The following CHODL variants were observed in gnomAD, a reference collection of about 807,000 sequenced individuals.
The protein encoded by CHODL is chondrolectin, also known as transmembrane protein MT75.
In CHODL, 29 loss-of-function variants were observed where a neutral mutation model predicts 34.5. The observed-to-expected ratio is 0.84, with a 90% CI of 0.63 to 1.15. The LOEUF is 1.15. Ranked by LOEUF, CHODL falls within the 50% of genes most tolerant of loss-of-function variation. The probability of loss-of-function intolerance (pLI) is 0.00; values close to 1 mark genes in which losing one functional copy is unlikely to be tolerated. For missense variants in CHODL, 332 were observed against 332.5 expected (o/e 1.00, Z 0.01); for synonymous variants, 125 against 116.1 (o/e 1.08, Z -0.49).
intron 1 of CHODL, among the ~76,000 whole-genome samples, chr21:17,928,454 G>C (rs1199470748): frequency 6.6e-6 from 1 of 152,184 alleles, no homozygotes; most frequent in Admixed American, 6.5e-5. Flanking sequence ...CTAAAGTACA[G>C]GTAGAGTTTG....
intron 2 of CHODL, among the ~76,000 whole-genome samples, chr21:18,223,127 G>A (rs2073899864): frequency 6.6e-6 from 1 of 152,080 alleles, no homozygotes; most frequent in East Asian, 1.9e-4. Flanking sequence ...AACATAAGTG[G>A]GAAAAACTGA....
chr21:18,131,129 CAGAGAGAGAGAGACAGAGAGAGCAGAG>C (rs887685857), intron 2 of CHODL, among the ~76,000 whole-genome samples: 6 of 151,074 alleles, frequency 4.0e-5, no homozygotes, highest in African/African-American at 1.5e-4. Flanking sequence ...AAAGAGAGAG[CAGAGAGAGAGAGACAGAGAGAGCAGAG>C]AGAGAGAGAG....
At chr21:18,093,015 C>T (rs943968615) in intron 2 of CHODL, among the ~76,000 whole-genome samples, 6 of 152,072 alleles carry the variant, frequency 3.9e-5, no homozygotes, top group Admixed American at 1.3e-4. Context: ...AGATTGATCC[C>T]AAAGAAGACT....
At chr21:18,185,408 T>C (rs1422821595) in intron 2 of CHODL, among the ~76,000 whole-genome samples, 1 of 152,228 alleles carries the variant, frequency 6.6e-6, no homozygotes, top group African/African-American at 2.4e-5. Flanking sequence ...ACATTTTCTT[T>C]ATCCAGCCTA....
chr21:18,092,970 A>T (rs983090399), intron 2 of CHODL, among the ~76,000 whole-genome samples: 2 of 152,210 alleles, frequency 1.3e-5, no homozygotes, highest in Non-Finnish European at 2.9e-5. Context: ...AAAGATATCA[A>T]CATTCAAGTA....
In CHODL at chr21:18,244,959, A is replaced by G; in HGVS notation, c.-265A>G. The G allele has an allele frequency of 2.3e-6, 1 of 431,838 alleles. No individual in the cohort carries two copies. 26.8% of individuals were successfully genotyped at this position (431,838 alleles called of 1,614,324 possible). On this transcript the variant is annotated 5_prime_UTR_variant, in exon 1 of 6. Transcript: ENST00000299295. ...CTTCTGCTTCGCCTCTAGGACATAC[A>G]CGGGACCCCCTAACTTCAGTCCCCC...
intron 1 of CHODL, among the ~76,000 whole-genome samples, chr21:18,251,508 TA>T (rs374697159): frequency 1.0e-4 from 13 of 127,822 alleles, no homozygotes; most frequent in African/African-American, 1.9e-4. Flanking sequence ...ATATTTATTT[TA>T]ATATATAAAA....
intron 2 of CHODL, among the ~76,000 whole-genome samples, chr21:18,070,024 C>CTTCCCT (rs764793221): frequency 2.9e-5 from 2 of 69,738 alleles, no homozygotes; most frequent in Non-Finnish European, 6.9e-5. Context: ...CTTCCCTTCC[C>CTTCCCT]TCCCCCCCCC....
chr21:18,047,089 G>C (rs527533030), intron 2 of CHODL, among the ~76,000 whole-genome samples: 1 of 152,086 alleles, frequency 6.6e-6, no homozygotes, highest in African/African-American at 2.4e-5. Context: ...AGAAATGCAA[G>C]AATCAACTTT....
At chr21:18,184,127 A>G (rs181965797) in intron 2 of CHODL, among the ~76,000 whole-genome samples, 7 of 152,294 alleles carry the variant, frequency 4.6e-5, no homozygotes, top group Admixed American at 4.6e-4. Context: ...CTAATTTTGT[A>G]TTGCTAAAAA....
intron 2 of CHODL, among the ~76,000 whole-genome samples, chr21:18,201,800 C>CTTTTTTTTTT (rs547855975): frequency 2.6e-5 from 3 of 114,414 alleles, no homozygotes; most frequent in Non-Finnish European, 3.5e-5. Context: ...TTTTTAAAAA[C>CTTTTTTTTTT]TTTTTTTTTT....
chr21:17,930,435 G>A (rs2063263260), intron 1 of CHODL, among the ~76,000 whole-genome samples: 1 of 152,194 alleles, frequency 6.6e-6, no homozygotes, highest in Non-Finnish European at 1.5e-5. Flanking sequence ...GGAGGTATGA[G>A]TGGGCCATGC....
chr21:18,256,970 A>G lies in CHODL; in HGVS notation c.390A>G (p.Arg130=), dbSNP rs751143264. The change falls in exon 3 of 6, where the codon CGA becomes CGG. Residue 130 remains arginine (R), a splice_region_variant and synonymous_variant. Transcript: ENST00000299295. ...TGTTCCTATTACTCTCTGTTTGCAGAAACTGGTACACAGATGAACCTTCCT... is the reference window on the plus strand; with the variant it reads ...TGTTCCTATTACTCTCTGTTTGCAGGAACTGGTACACAGATGAACCTTCCT... ...QWSDGSNSQY[R]NWYTDEPSCG... 19 of 1,611,234 alleles carry G rather than the reference A, an allele frequency of 1.2e-5. No individual in the cohort carries two copies. The South Asian group carries it at 1.8e-4, about 15-fold the overall frequency.
chr21:17,989,540 GCTGT>G (rs1183723977), intron 1 of CHODL, among the ~76,000 whole-genome samples: 3 of 152,084 alleles, frequency 2.0e-5, no homozygotes, highest in East Asian at 3.8e-4. Context: ...GATTTGACTG[GCTGT>G]CTGTAGCCTT....
chr21:17,943,988 C>T (rs1944733498), intron 1 of CHODL, among the ~76,000 whole-genome samples: 1 of 152,144 alleles, frequency 6.6e-6, no homozygotes, highest in African/African-American at 2.4e-5. Flanking sequence ...AACTGAAGCA[C>T]TCAGAGATAT....
At chr21:17,992,871 C>G (rs564000373) in intron 1 of CHODL, among the ~76,000 whole-genome samples, 2 of 152,090 alleles carry the variant, frequency 1.3e-5, no homozygotes, top group East Asian at 3.9e-4. Flanking sequence ...TCAGACTGGT[C>G]TGAAACTCCC....
At chr21:18,121,713 C>T (rs2065481864) in intron 2 of CHODL, among the ~76,000 whole-genome samples, 2 of 152,130 alleles carry the variant, frequency 1.3e-5, no homozygotes, top group African/African-American at 4.8e-5. Flanking sequence ...GTTGTACAAT[C>T]CTTTTTTCTT....
intron 1 of CHODL, among the ~76,000 whole-genome samples, chr21:17,955,802 A>G (rs1641443868): frequency 7.3e-6 from 1 of 136,820 alleles, no homozygotes. Flanking sequence ...TTTGGGTTCC[A>G]GGGCTTGCAT....
At chr21:17,995,348 A>T (rs1448406919) in intron 1 of CHODL, among the ~76,000 whole-genome samples, 1 of 152,192 alleles carries the variant, frequency 6.6e-6, no homozygotes, top group Non-Finnish European at 1.5e-5. Context: ...GGAGTCTGCC[A>T]TGGGAATGTA....
Sources: gnomAD v4.1 joint callset for allele counts (sites outside exome capture counted in the v4.1 genomes callset) on GRCh38, gnomAD v4.1.1 for gene constraint, MANE v1.5 for transcripts, NCBI Gene and HGNC (gene_info 2026-07-23, HGNC 2026-07-21) for gene names.